GFI1B: variants seen among roughly 807,000 people sequenced by gnomAD.
GFI1B encodes the protein zinc finger protein Gfi-1b.
A neutral mutation model predicts 35.3 loss-of-function variants in GFI1B; 20 were observed. The ratio of observed to expected loss-of-function variants is 0.57; its 90% CI spans 0.40 to 0.82. GFI1B has a LOEUF of 0.82. GFI1B is among the 40% of genes least tolerant of loss of function. GFI1B has a pLI of 0.00. For synonymous variants in GFI1B, 178 were observed against 177.6 expected (o/e 1.00, Z -0.02); for missense variants, 430 against 446.3 (o/e 0.96, Z 0.33).
At chr9:132,988,682 T>C (rs139650176) in intron 4 of GFI1B, among the ~76,000 whole-genome samples, 2 of 152,262 alleles carry the variant, frequency 1.3e-5, no homozygotes, top group African/African-American at 2.4e-5. Flanking sequence ...CAGAGTCAGA[T>C]GAAAGGTTAA....
intron 1 of GFI1B, among the ~76,000 whole-genome samples, chr9:132,949,268 T>TACACACACACACAC (rs36015720): frequency 8.0e-5 from 11 of 137,682 alleles, no homozygotes; most frequent in African/African-American, 3.0e-4. Flanking sequence ...AACCCACAGA[T>TACACACACACACAC]ACACACACAC....
At chr9:132,953,374 C>G (rs1305639781) in intron 1 of GFI1B, 1 of 152,228 alleles carries the variant, frequency 6.6e-6, no homozygotes, top group Non-Finnish European at 1.5e-5. Context: ...TACTTCTGAC[C>G]AGGCGTGGTG....
intron 1 of GFI1B, among the ~76,000 whole-genome samples, chr9:132,985,036 C>G (rs79675148): frequency 1.3e-5 from 2 of 152,142 alleles, no homozygotes; most frequent in Non-Finnish European, 2.9e-5. Context: ...GACCCTATCA[C>G]CCCTGCAGCC....
intron 1 of GFI1B, among the ~76,000 whole-genome samples, chr9:132,949,109 A>G (rs1247709711): frequency 1.3e-5 from 2 of 152,168 alleles, no homozygotes; most frequent in Middle Eastern, 3.2e-3. Context: ...TAGGTGCTTC[A>G]GCACCTCTTT....
chr9:132,982,891 A>G (rs1848879723), intron 1 of GFI1B, among the ~76,000 whole-genome samples: 1 of 152,102 alleles, frequency 6.6e-6, no homozygotes, highest in African/African-American at 2.4e-5. Flanking sequence ...TAGAAGAAGC[A>G]TGAGAATCAC....
chr9:132,987,031 G>C (rs1849093728), intron 2 of GFI1B, among the ~76,000 whole-genome samples: 1 of 152,194 alleles, frequency 6.6e-6, no homozygotes. Context: ...CCTCACTGGA[G>C]GCCCAGTCTA....
chr9:132,951,353 C>A (rs1399744606), intron 1 of GFI1B: 1 of 152,202 alleles, frequency 6.6e-6, no homozygotes, highest in African/African-American at 2.4e-5. Context: ...CTGGGCACAG[C>A]AGGGGCCCTA....
chr9:132,960,265 A>G lies in GFI1B; in HGVS notation c.-700-12460A>G, dbSNP rs139049477. Among the ~76,000 whole-genome samples, 385 of 152,344 alleles carry G rather than the reference A, an allele frequency of 2.5e-3. 1 individual carries two copies. Among genetic ancestry groups the G allele is most frequent in the African/African-American group, 8.7e-3 (362 of 41,576 alleles). ...TACGACAGTAGGACCCAGCTTGAGCAGAAGCAGGGAAGCAAGACCACAGAA... is the reference window on the plus strand; with the variant it reads ...TACGACAGTAGGACCCAGCTTGAGCGGAAGCAGGGAAGCAAGACCACAGAA... On this transcript the variant is annotated intron_variant, in intron 1 of 10. Transcript: ENST00000339463.
At chr9:132,978,371 TC>T (rs1385032046), upstream of GFI1B, 1 of 152,142 alleles carries the variant, frequency 6.6e-6, no homozygotes, top group African/African-American at 2.4e-5. Context: ...AGCAATGACT[TC>T]CCTATGCAAA....
chr9:132,949,621 G>C (rs1421005509), intron 1 of GFI1B: 2 of 152,296 alleles, frequency 1.3e-5, no homozygotes, highest in Non-Finnish European at 2.9e-5. Flanking sequence ...CCCTGGGGGG[G>C]TTCATATGGA....
At chr9:132,970,439 A>G (rs1848516136) in intron 1 of GFI1B, among the ~76,000 whole-genome samples, 1 of 152,146 alleles carries the variant, frequency 6.6e-6, no homozygotes, top group South Asian at 2.1e-4. Flanking sequence ...ACACGCACGC[A>G]TGCACGCACG....
chr9:132,960,560 G>A (rs909481486), intron 1 of GFI1B, among the ~76,000 whole-genome samples: 4 of 151,900 alleles, frequency 2.6e-5, no homozygotes, highest in South Asian at 4.1e-4. Flanking sequence ...ACAGTGGTGC[G>A]ATCATAGCTC....
intron 1 of GFI1B, among the ~76,000 whole-genome samples, chr9:132,959,345 TCCC>T (rs1280727491): frequency 2.0e-5 from 3 of 152,078 alleles, no homozygotes; most frequent in African/African-American, 7.2e-5. Context: ...CATGTTTGCT[TCCC>T]CTCCTGCCAT....
At position 132,989,797 on chromosome 9, in the gene GFI1B, T is replaced by C. The variant is rs1849222491; in HGVS notation, c.704T>C (p.Leu235Pro). The C allele has an allele frequency of 6.2e-7, 1 of 1,613,958 alleles. No individual in the cohort carries two copies. Among genetic ancestry groups the C allele is most frequent in the Admixed American group, 1.7e-5 (1 of 60,016 alleles). Residue 235 changes from leucine (L) to proline (P), a missense_variant, in exon 6 of 7, where the codon CTG becomes CCG. Transcript: ENST00000372122. This position sits in a 1 kb window ranked among gnomAD's most constrained non-coding sequence, Gnocchi z 6.2. ...CGKAFKRSST[L>P]STHLLIHSDT... is the part of the protein sequence containing the mutation. ...AAGGCCTTCAAGCGCTCGTCCACGCTGTCCACCCACCTGCTCATCCACTCA... is the reference window on the plus strand; with the variant it reads ...AAGGCCTTCAAGCGCTCGTCCACGCCGTCCACCCACCTGCTCATCCACTCA...
At chr9:132,968,768 G>A (rs896711629) in intron 1 of GFI1B, among the ~76,000 whole-genome samples, 29 of 152,248 alleles carry the variant, frequency 1.9e-4, no homozygotes, top group African/African-American at 7.0e-4. Flanking sequence ...TCAGAGGCAT[G>A]GAGGTTTTGT....
chr9:132,952,065 G>A (rs1172008226), intron 1 of GFI1B: 1 of 152,088 alleles, frequency 6.6e-6, no homozygotes, highest in African/African-American at 2.4e-5. Flanking sequence ...CACCATGCCT[G>A]ACCTGTAGTG....
In GFI1B at chr9:132,950,722, A is replaced by G. The variant is rs888116934; in HGVS notation, c.-701+5053A>G. 1.6e-4 allele frequency among the ~76,000 whole-genome samples: 13 copies of G among 80,920 alleles called. 2 individuals carry two copies. Among genetic ancestry groups the G allele is most frequent in the Non-Finnish European group, 2.9e-4 (11 of 38,446 alleles). 53.1% of individuals were successfully genotyped at this position (80,920 alleles called of 152,430 possible). On this transcript the variant is annotated intron_variant, in intron 1 of 10. Coordinates refer to the GFI1B transcript ENST00000339463. ...TATACTATACACTACACTACACTAT[A>G]CACTATACACTTTGGGTTTTTGAGA...
At chr9:132,962,485 G>C (rs993984148) in intron 1 of GFI1B, 4 of 481,778 alleles carry the variant, frequency 8.3e-6, no homozygotes, top group Non-Finnish European at 1.7e-5. Context: ...TGCTATCGTG[G>C]TGTGTGTTTG....
chr9:132,947,414 A>AG (rs201288632), intron 1 of GFI1B, among the ~76,000 whole-genome samples: 37 of 49,614 alleles, frequency 7.5e-4, no homozygotes, highest in African/African-American at 1.4e-3. Flanking sequence ...TAATCGAGCA[A>AG]AAAAAAAAAA....
Sources: allele counts gnomAD v4.1 joint callset (sites outside exome capture counted in the v4.1 genomes callset), GRCh38; gene constraint gnomAD v4.1.1; non-coding constraint Gnocchi (gnomAD v3.1); transcripts MANE v1.5; gene names NCBI Gene and HGNC (gene_info 2026-07-23, HGNC 2026-07-21).